Variants in IQCK observed in about 807,000 individuals in gnomAD.
IQCK encodes IQ domain-containing protein K.
IQCK carries 29 observed loss-of-function variants against 28.1 expected under a neutral mutation model. The observed-to-expected ratio is 1.03, with a 90% CI of 0.77 to 1.41. The LOEUF is 1.41. Among genes scored for constraint, IQCK ranks in the 40% most tolerant of loss-of-function variants. The probability of loss-of-function intolerance (pLI) is 0.00; values close to 1 mark genes in which losing one functional copy is unlikely to be tolerated. For synonymous variants in IQCK, 113 were observed against 115.1 expected (o/e 0.98, Z 0.12); for missense variants, 359 against 314.7 (o/e 1.14, Z -1.07).
chr16:19,724,220 T>C (rs1977584594), intron 1 of IQCK, among the ~76,000 whole-genome samples: 1 of 152,180 alleles, frequency 6.6e-6, no homozygotes, highest in South Asian at 2.1e-4. Context: ...TGGCCCCTCT[T>C]CTGGAAAGCC....
chr16:19,732,485 TTTTC>T (rs1977872872), intron 2 of IQCK, among the ~76,000 whole-genome samples: 3 of 152,060 alleles, frequency 2.0e-5, no homozygotes, highest in African/African-American at 4.8e-5. Context: ...TAAATCAACT[TTTTC>T]TTTCTTTCTT....
At position 19,774,334 on chromosome 16, in the gene IQCK, CATTATTGGTACAT is replaced by C. The variant is rs375508354; in HGVS notation, c.605+10225_605+10237del. Reference sequence around the variant, plus strand: ...CCTAGTGCCAACTATTATTATATTTCATTATTGGTACATATACCAAGCAGGTATGTTCCAGCTA... The same window carrying C: ...CCTAGTGCCAACTATTATTATATTTCATACCAAGCAGGTATGTTCCAGCTA... On this transcript the variant is annotated intron_variant, in intron 6 of 7. Transcript: ENST00000564186. Among the ~76,000 whole-genome samples, 523 of 148,202 alleles carry C rather than the reference CATTATTGGTACAT, an allele frequency of 3.5e-3. 5 individuals carry two copies. Among genetic ancestry groups the C allele is most frequent in the African/African-American group, 0.012 (503 of 40,324 alleles).
Position 19,764,095 on chromosome 16 carries a change from G to A in IQCK, c.588G>A (p.Glu196=), listed in dbSNP as rs751525848. The A allele has an allele frequency of 3.7e-6, 6 of 1,613,202 alleles. No individual in the cohort carries two copies. In the South Asian group the frequency reaches 4.4e-5, roughly 12 times the overall value. ...AATTTTTCTCCATTCCATTTGTGGA[G>A]GAGCGGCTAAAGCAACAGTGAGTAT... Residue 196 remains glutamate (E), a synonymous_variant, in exon 6 of 8, where the codon GAG becomes GAA. Coordinates refer to ENST00000564186, the Ensembl canonical transcript of IQCK.
At chr16:19,815,546 C>T (rs1226690998) in intron 7 of IQCK, among the ~76,000 whole-genome samples, 1 of 152,136 alleles carries the variant, frequency 6.6e-6, no homozygotes, top group Non-Finnish European at 1.5e-5. Flanking sequence ...TGGTTTGTGC[C>T]TGTAGTACCA....
chr16:19,730,600 G>A (rs1417350905), intron 2 of IQCK, 106 bp downstream of exon 2: 27 of 840,752 alleles, frequency 3.2e-5, no homozygotes, highest in Non-Finnish European at 4.7e-5. Flanking sequence ...AGGTGGGAAA[G>A]GGAAGGCACT....
At chr16:19,771,720 A>C (rs2151718359) in intron 6 of IQCK, among the ~76,000 whole-genome samples, 1 of 152,340 alleles carries the variant, frequency 6.6e-6, no homozygotes, top group East Asian at 1.9e-4. Flanking sequence ...ATAGATATAA[A>C]AAAATGTGTA....
At chr16:19,722,992 G>C (rs1019427429) in intron 1 of IQCK, among the ~76,000 whole-genome samples, 1 of 152,116 alleles carries the variant, frequency 6.6e-6, no homozygotes, top group Admixed American at 6.5e-5. Context: ...GATTACAGGC[G>C]TGAGCTACCG....
At chr16:19,843,457 A>G (rs1048663327) in intron 9 of IQCK, among the ~76,000 whole-genome samples, 1 of 152,222 alleles carries the variant, frequency 6.6e-6, no homozygotes, top group Non-Finnish European at 1.5e-5. Flanking sequence ...TATAAATGGA[A>G]TCATTCAATA....
At chr16:19,726,373 G>A (rs1977657057) in intron 1 of IQCK, among the ~76,000 whole-genome samples, 1 of 152,134 alleles carries the variant, frequency 6.6e-6, no homozygotes, top group African/African-American at 2.4e-5. Context: ...ACTATTGGGA[G>A]TACAAGTGAC....
chr16:19,844,545 A>G (rs939555649), intron 9 of IQCK, among the ~76,000 whole-genome samples: 1 of 152,208 alleles, frequency 6.6e-6, no homozygotes, highest in Non-Finnish European at 1.5e-5. Flanking sequence ...TTTAAGGGGC[A>G]AAAATGACAT....
chr16:19,855,952 C>A (rs999178872), intron 9 of IQCK, among the ~76,000 whole-genome samples: 1 of 152,068 alleles, frequency 6.6e-6, no homozygotes, highest in African/African-American at 2.4e-5. Context: ...GATTAATTCC[C>A]CTTACACACA....
At chr16:19,786,795 A>C (rs888304067) in intron 6 of IQCK, among the ~76,000 whole-genome samples, 1 of 98,984 alleles carries the variant, frequency 1.0e-5, no homozygotes, top group African/African-American at 8.6e-5. Flanking sequence ...AAAAGAAAGA[A>C]AGAGAGAGAG....
At chr16:19,764,286 A>G (rs553271975) in intron 6 of IQCK, 174 bp downstream of exon 6, 1 of 512,560 alleles carries the variant, frequency 2.0e-6, no homozygotes, top group East Asian at 3.0e-5. Flanking sequence ...TATCCTAATC[A>G]GGCCAGTAAT....
At chr16:19,779,535 C>T (rs1344495980) in intron 6 of IQCK, among the ~76,000 whole-genome samples, 2 of 152,118 alleles carry the variant, frequency 1.3e-5, no homozygotes. Flanking sequence ...AACCACCACA[C>T]TATATTACAT....
chr16:19,778,771 A>G (rs1185789801), intron 6 of IQCK, among the ~76,000 whole-genome samples: 1 of 152,192 alleles, frequency 6.6e-6, no homozygotes, highest in African/African-American at 2.4e-5. Flanking sequence ...TGGTGTCAGA[A>G]GTCTTGCGAG....
At chr16:19,726,008 C>T (rs1977643623) in intron 1 of IQCK, among the ~76,000 whole-genome samples, 2 of 151,754 alleles carry the variant, frequency 1.3e-5, no homozygotes, top group Non-Finnish European at 2.9e-5. Flanking sequence ...CTCCACCTCC[C>T]GAGTTCACAC....
rs189976274 is a variant in IQCK at position 19,737,915 on chromosome 16, A to G, written c.474+2465A>G. On this transcript the variant is annotated intron_variant, in intron 4 of 7. Transcript: ENST00000564186. ...TACTTGTTTTTCCAAACTCAGCTCCATAACTTCTCTCTGAAGCTTCCAGTT... is the reference window on the plus strand; with the variant it reads ...TACTTGTTTTTCCAAACTCAGCTCCGTAACTTCTCTCTGAAGCTTCCAGTT... Among the ~76,000 whole-genome samples the G allele has an allele frequency of 6.8e-4, 103 of 152,282 alleles. No homozygotes were observed. The East Asian group carries it at 9.7e-3, about 14-fold the overall frequency.
At chr16:19,851,035 G>A (rs922471422) in intron 9 of IQCK, among the ~76,000 whole-genome samples, 9 of 152,228 alleles carry the variant, frequency 5.9e-5, no homozygotes, top group African/African-American at 1.2e-4. Flanking sequence ...ATAAAAACGC[G>A]AATAATAATA....
intron 9 of IQCK, among the ~76,000 whole-genome samples, chr16:19,843,799 A>C (rs910147171): frequency 2.0e-5 from 3 of 152,150 alleles, no homozygotes; most frequent in Non-Finnish European, 2.9e-5. Context: ...TAAGGGTACC[A>C]GTTCTACCAG....
Sources: gnomAD v4.1 joint callset for allele counts (sites outside exome capture counted in the v4.1 genomes callset) on GRCh38, gnomAD v4.1.1 for gene constraint, MANE v1.5 for transcripts, NCBI Gene and HGNC (gene_info 2026-07-23, HGNC 2026-07-21) for gene names.